Variants in ZMYM5 observed in about 807,000 individuals in gnomAD.
ZMYM5 encodes zinc finger MYM-type containing 5.
In ZMYM5, 41 loss-of-function variants were observed where a neutral mutation model predicts 61.8. That is an observed-to-expected ratio of 0.66 (90% CI 0.52 to 0.86). The LOEUF (loss-of-function observed/expected upper bound fraction) is 0.86. Among genes scored for constraint, ZMYM5 ranks in the 40% least tolerant of loss-of-function variants. ZMYM5 has a pLI of 0.00. For missense variants in ZMYM5, 706 were observed against 786.7 expected, an observed-to-expected ratio of 0.90 and a Z score of 1.23; for synonymous variants, 257 against 276.4, an observed-to-expected ratio of 0.93 and a Z score of 0.70.
At chr13:19,859,045 T>C (rs1019403681) in intron 2 of ZMYM5, among the ~76,000 whole-genome samples, 2 of 152,052 alleles carry the variant, frequency 1.3e-5, no homozygotes, top group African/African-American at 4.8e-5. Context: ...CTCCTCTCCA[T>C]TGCTTGAACC....
At chr13:19,832,209 T>C (rs1891262132) in intron 7 of ZMYM5, among the ~76,000 whole-genome samples, 1 of 152,036 alleles carries the variant, frequency 6.6e-6, no homozygotes, top group Non-Finnish European at 1.5e-5. Context: ...AGTAAAAAAT[T>C]TATAATCTAC....
At chr13:19,828,114 A>G (rs1226840026) in intron 7 of ZMYM5, among the ~76,000 whole-genome samples, 2 of 152,034 alleles carry the variant, frequency 1.3e-5, no homozygotes, top group Non-Finnish European at 2.9e-5. Context: ...AATGCAGTGA[A>G]AGAAAATAAA....
In ZMYM5 at chr13:19,825,120, A is replaced by G. The variant is rs192520263; in HGVS notation, c.1367T>C (p.Ile456Thr). 7.3e-6 allele frequency: 10 copies of G among 1,362,228 alleles called. No individual in the cohort carries two copies. The East Asian group carries it at 4.1e-4, about 56-fold the overall frequency. 84.4% of individuals were successfully genotyped at this position (1,362,228 alleles called of 1,614,324 possible). Residue 456 changes from isoleucine to threonine, a missense_variant, in exon 8 of 8, where the codon ATA becomes ACA. Ile to Thr is a moderately conservative substitution (Grantham distance 89). This residue lies in a region of ZMYM5 where 226 missense variants were observed against 325.0 expected (regional missense o/e 0.70). Transcript: ENST00000337963. ...TTCCTTTTTTTCTGGGATTCCCTCT[A>G]TTTTTTTCAAAAGTGTATTTGACGA... ...YGSSNTLLKK[I>T]EGIPEKKEKT...
chr13:19,838,997 A>G lies in ZMYM5; in HGVS notation c.587-12T>C. The G allele has an allele frequency of 6.3e-7, 1 of 1,593,816 alleles. No individual in the cohort carries two copies. The highest frequency in any genetic ancestry group is 8.5e-7 in the Non-Finnish European group (1 of 1,172,216). On this transcript the variant is annotated splice_polypyrimidine_tract_variant and intron_variant, in intron 4 of 7. Coordinates refer to ENST00000337963, the MANE Select transcript of ZMYM5 (RefSeq NM_001142684.2). ...GGAGATCCAAGAATCTTAAAAATGAAACAAGAAAAAAATCATGGAACAAAT... is the reference window on the plus strand; with the variant it reads ...GGAGATCCAAGAATCTTAAAAATGAGACAAGAAAAAAATCATGGAACAAAT...
chr13:19,861,700 T>G (rs1437747340), intron 2 of ZMYM5, among the ~76,000 whole-genome samples: 1 of 151,940 alleles, frequency 6.6e-6, no homozygotes, highest in Non-Finnish European at 1.5e-5. Context: ...AAAATAGAAG[T>G]AAAGCTTGTT....
chr13:19,856,180 G>T (rs556178951), intron 2 of ZMYM5, among the ~76,000 whole-genome samples: 1 of 152,230 alleles, frequency 6.6e-6, no homozygotes, highest in Admixed American at 6.5e-5. Flanking sequence ...CAGAGAAAAA[G>T]ATGCTGTATA....
rs1363693713 is a variant in ZMYM5, at chr13:19,823,696, C to G, written c.*781G>C. 1 of 151,982 alleles carries G rather than the reference C, an allele frequency of 6.6e-6. No homozygotes were observed. Among genetic ancestry groups the G allele is most frequent in the East Asian group, 1.9e-4 (1 of 5,192 alleles). 9.4% of individuals were successfully genotyped at this position (151,982 alleles called of 1,614,324 possible). A position where few individuals can be genotyped will look rare whatever the true frequency, so the allele number is the denominator to read the frequency against. On this transcript the variant is annotated 3_prime_UTR_variant, in exon 8 of 8. Coordinates refer to ENST00000337963, the MANE Select transcript of ZMYM5 (RefSeq NM_001142684.2). Reference sequence around the variant, plus strand: ...AAGTATTTGGTTTAATAGCAAAAAGCTGTAGTTTCAGATCCCATTCTGTAA... The same window carrying G: ...AAGTATTTGGTTTAATAGCAAAAAGGTGTAGTTTCAGATCCCATTCTGTAA...
chr13:19,825,170 T>A lies in ZMYM5; in HGVS notation c.1317A>T (p.Glu439Asp). The A allele has an allele frequency of 7.6e-7, 1 of 1,307,252 alleles. No homozygotes were observed. Among genetic ancestry groups the A allele is most frequent in the Non-Finnish European group, 1.0e-6 (1 of 993,158 alleles). The allele number at this position is 1,307,252 out of a possible 1,614,324, so 81.0% of individuals were successfully genotyped here. Residue 439 changes from glutamate (E) to aspartate (D), a missense_variant, in exon 8 of 8, where the codon GAA becomes GAT. Physicochemically the swap from Glu to Asp is conservative, Grantham distance 45. Transcript: ENST00000337963. ...SENRKRNAFREENEKQLYGSS... is the reference protein window; with the variant it reads ...SENRKRNAFRDENEKQLYGSS... ...ATCCATATAATTGTTTCTCATTTTC[T>A]TCTCTAAAAGCATTCCTTTTTCTAT...
chr13:19,828,976 G>A (rs1891066194), intron 7 of ZMYM5, among the ~76,000 whole-genome samples: 1 of 152,088 alleles, frequency 6.6e-6, no homozygotes, highest in African/African-American at 2.4e-5. Flanking sequence ...CGAGTGTGGT[G>A]GCACATGCCT....
chr13:19,861,849 C>CAA (rs58840015), intron 2 of ZMYM5, among the ~76,000 whole-genome samples: 19 of 137,898 alleles, frequency 1.4e-4, no homozygotes, highest in Admixed American at 3.7e-4. Context: ...TGTCTAGTAG[C>CAA]AAAAAAAAAA....
At chr13:19,835,441 A>G (rs756939644) in intron 7 of ZMYM5, 36 bp downstream of exon 7, 6 of 1,289,080 alleles carry the variant, frequency 4.7e-6, no homozygotes, top group Non-Finnish European at 6.3e-6. Context: ...AAGCTACTAT[A>G]TATTTGATCA....
chr13:19,841,327 G>C (rs959479274), intron 4 of ZMYM5, among the ~76,000 whole-genome samples: 4 of 152,130 alleles, frequency 2.6e-5, no homozygotes, highest in Non-Finnish European at 5.9e-5. Context: ...TTAATCCATA[G>C]GTTGGAAGGG....
At chr13:19,844,386 T>C (rs928944973) in intron 4 of ZMYM5, among the ~76,000 whole-genome samples, 3 of 152,194 alleles carry the variant, frequency 2.0e-5, no homozygotes, top group South Asian at 2.1e-4. Context: ...GACACCTTCA[T>C]TGCTTTTAAC....
chr13:19,841,345 A>T (rs1437998165), intron 4 of ZMYM5, among the ~76,000 whole-genome samples: 15 of 152,096 alleles, frequency 9.9e-5, no homozygotes. Context: ...GGGGGTTTTT[A>T]TCAGTACTCC....
chr13:19,854,154 C>T (rs1468589862), intron 2 of ZMYM5, among the ~76,000 whole-genome samples: 10 of 152,028 alleles, frequency 6.6e-5, no homozygotes, highest in South Asian at 4.1e-4. Flanking sequence ...GGAGTACAGG[C>T]GTGCGCCACC....
chr13:19,827,785 A>G (rs1220947195), intron 7 of ZMYM5, among the ~76,000 whole-genome samples: 1 of 152,084 alleles, frequency 6.6e-6, no homozygotes, highest in Non-Finnish European at 1.5e-5. Context: ...TAATCCCAGC[A>G]CTTTGGGAGG....
intron 7 of ZMYM5, among the ~76,000 whole-genome samples, chr13:19,830,290 T>C (rs1189949673): frequency 1.3e-5 from 2 of 152,200 alleles, no homozygotes; most frequent in African/African-American, 2.4e-5. Flanking sequence ...ACTCATGTGT[T>C]TGGGGTGGAG....
At chr13:19,846,799 C>A (rs1953089088) in intron 4 of ZMYM5, among the ~76,000 whole-genome samples, 1 of 151,084 alleles carries the variant, frequency 6.6e-6, no homozygotes, top group Non-Finnish European at 1.5e-5. Context: ...TTATGGCATG[C>A]ACTTGTAGTC....
At position 19,830,908 on chromosome 13, in the gene ZMYM5, C is replaced by T. The variant is rs1421750111; in HGVS notation, c.1251+4569G>A. On this transcript the variant is annotated intron_variant, in intron 7 of 7. Coordinates refer to ENST00000337963, the MANE Select transcript of ZMYM5 (RefSeq NM_001142684.2). Reference sequence around the variant, plus strand: ...AGGCTGGAGTGCAGTGGCATGATCTCGGCTCACTGCAAGCTCCGCCTCCCA... The same window carrying T: ...AGGCTGGAGTGCAGTGGCATGATCTTGGCTCACTGCAAGCTCCGCCTCCCA... 2.0e-5 allele frequency among the ~76,000 whole-genome samples: 3 copies of T among 146,456 alleles called. No individual in the cohort carries two copies. In the Admixed American group the frequency reaches 2.1e-4, roughly 10 times the overall value.
Sources: gnomAD v4.1 joint callset for allele counts (sites outside exome capture counted in the v4.1 genomes callset) on GRCh38, gnomAD v4.1.1 for gene constraint, gnomAD v4.1.1 regional missense constraint, MANE v1.5 for transcripts, NCBI Gene and HGNC (gene_info 2026-07-23, HGNC 2026-07-21) for gene names.